The following KRT8 variants were observed in gnomAD, a reference collection of about 807,000 sequenced individuals.
The protein encoded by KRT8 is keratin 8, also known as keratin, type II cytoskeletal 8.
In KRT8, 24 loss-of-function variants were observed where a neutral mutation model predicts 43.0. That is an observed-to-expected ratio of 0.56 (90% CI 0.40 to 0.78). KRT8 has a LOEUF of 0.78. Ranked by LOEUF, KRT8 falls within the 30% of genes least tolerant of loss-of-function variation. The pLI, the probability that KRT8 is intolerant of heterozygous loss-of-function variation, is 0.00. For synonymous variants in KRT8, 214 were observed against 261.2 expected (o/e 0.82, Z 1.74); for missense variants, 492 against 638.4 (o/e 0.77, Z 2.47).
intron 2 of KRT8, among the ~76,000 whole-genome samples, chr12:52,934,982 A>ATAG (rs1326500409): frequency 6.6e-6 from 1 of 151,812 alleles, no homozygotes; most frequent in Non-Finnish European, 1.5e-5. Context: ...AAAAAAAAGG[A>ATAG]TAGATACATC....
At chr12:52,897,272 G>A in exon 8 of KRT8, 1 of 747,640 alleles carries the variant, frequency 1.3e-6, no homozygotes, top group South Asian at 1.4e-5. Flanking sequence ...CATGGGCAAG[G>A]GGGGTCCCCA....
At chr12:52,904,502 A>G (rs1157426668) in intron 1 of KRT8, among the ~76,000 whole-genome samples, 156 bp downstream of exon 1, 1 of 152,114 alleles carries the variant, frequency 6.6e-6, no homozygotes, top group Non-Finnish European at 1.5e-5. Context: ...ACCAAGGTGC[A>G]CGGGAGGGGT....
rs1456191707 is a variant in KRT8, at chr12:52,944,961, C to T, written c.-47+4495G>A. On this transcript the variant is annotated intron_variant, in intron 2 of 6. Coordinates refer to the KRT8 transcript ENST00000546826. ...TCCGCAGCTGCCTCTGAAGCTTGTA[C>T]CCTTGCCCCCACCTCTTGTCTCTCT... 2.0e-5 allele frequency among the ~76,000 whole-genome samples: 3 copies of T among 152,186 alleles called. No individual in the cohort carries two copies. In the East Asian group the frequency reaches 5.8e-4, roughly 29 times the overall value.
At chr12:52,915,793 C>T (rs1020288350) in intron 2 of KRT8, among the ~76,000 whole-genome samples, 1 of 152,012 alleles carries the variant, frequency 6.6e-6, no homozygotes, top group African/African-American at 2.4e-5. Context: ...CATATGCTAA[C>T]CAAAATGTAC....
chr12:52,911,852 C>T (rs1565722712), upstream of KRT8, among the ~76,000 whole-genome samples: 1 of 152,072 alleles, frequency 6.6e-6, no homozygotes. Context: ...GGTGAAACCC[C>T]ATCTCTACCA....
Position 52,937,789 on chromosome 12 carries a change from G to A in KRT8, c.-47+11667C>T, listed in dbSNP as rs560961451. ...AGGCAAGTGGATCACCTGAGGTCAG[G>A]AGTTTGAGACCAGCCTGGCCAACAT... On this transcript the variant is annotated intron_variant, in intron 2 of 6. Transcript: ENST00000546826. 1.9e-4 allele frequency among the ~76,000 whole-genome samples: 29 copies of A among 151,412 alleles called. No homozygotes were observed. The South Asian group carries it at 5.9e-3, about 31-fold the overall frequency.
chr12:52,907,506 A>T (rs1490691282), upstream of KRT8, among the ~76,000 whole-genome samples: 1 of 152,134 alleles, frequency 6.6e-6, no homozygotes, highest in Non-Finnish European at 1.5e-5. Context: ...CTTTCCTGAA[A>T]TTCCAGTCCC....
intron 4 of KRT8, 61 bp from the exon 5 acceptor site, chr12:52,900,126 C>T: frequency 1.3e-6 from 2 of 1,557,650 alleles, no homozygotes; most frequent in Admixed American, 3.4e-5. Context: ...CCCCCTTTTC[C>T]ACAACAGCCT....
At chr12:52,899,109 T>C (rs1941296431) in intron 5 of KRT8, 1 of 563,524 alleles carries the variant, frequency 1.8e-6, no homozygotes, top group Non-Finnish European at 3.2e-6. Flanking sequence ...GGTCAGGAGA[T>C]CGAGGCCATC....
intron 2 of KRT8, among the ~76,000 whole-genome samples, chr12:52,938,136 C>CTA (rs1161700326): frequency 0.022 from 973 of 43,954 alleles, 50 homozygotes; most frequent in Non-Finnish European, 0.034. Context: ...CACTAGAAAG[C>CTA]TATATATATA....
At chr12:52,948,323 TCTC>T (rs989581517) in intron 2 of KRT8, 6 of 151,560 alleles carry the variant, frequency 4.0e-5, no homozygotes, top group South Asian at 2.1e-4. Flanking sequence ...GGGCATTGCT[TCTC>T]CTCCTCTTCT....
chr12:52,918,087 AGAAGAAGAAGAG>A (rs1490536720), intron 2 of KRT8, among the ~76,000 whole-genome samples: 2 of 137,822 alleles, frequency 1.5e-5, no homozygotes, highest in African/African-American at 5.7e-5. Context: ...GAGGAGGAGG[AGAAGAAGAAGAG>A]GAAGAAGAAG....
upstream of KRT8, among the ~76,000 whole-genome samples, chr12:52,908,477 A>T (rs1201938899): frequency 6.6e-6 from 1 of 152,240 alleles, no homozygotes; most frequent in Non-Finnish European, 1.5e-5. Flanking sequence ...GTTACAATTA[A>T]AAGGAATGAA....
At chr12:52,943,285 G>A (rs1046603162) in intron 2 of KRT8, among the ~76,000 whole-genome samples, 2 of 151,982 alleles carry the variant, frequency 1.3e-5, no homozygotes, top group African/African-American at 2.4e-5. Context: ...TCCACACCCC[G>A]GCTCCAGGCT....
chr12:52,919,628 A>G (rs1311107527), intron 2 of KRT8, among the ~76,000 whole-genome samples: 1 of 151,324 alleles, frequency 6.6e-6, no homozygotes, highest in Non-Finnish European at 1.5e-5. Context: ...TACATATATT[A>G]TATATTATTT....
chr12:52,900,876 A>G, intron 3 of KRT8, 193 bp from the exon 4 acceptor site: 2 of 644,742 alleles, frequency 3.1e-6, no homozygotes, highest in Non-Finnish European at 5.6e-6. Flanking sequence ...GCTTCCTGCA[A>G]CACACCCTCT....
At chr12:52,904,039 C>A (rs1320575380) in intron 1 of KRT8, among the ~76,000 whole-genome samples, 4 of 151,884 alleles carry the variant, frequency 2.6e-5, no homozygotes, top group Non-Finnish European at 4.4e-5. Context: ...GGCCTCCGGG[C>A]GCCAAAGGCC....
intron 2 of KRT8, among the ~76,000 whole-genome samples, chr12:52,930,217 A>ATTTTTTTTTTTTTTT (rs35917845): frequency 6.8e-6 from 1 of 146,396 alleles, no homozygotes. Flanking sequence ...CAATTCTATC[A>ATTTTTTTTTTTTTTT]TTTTTTTTTT....
At chr12:52,917,365 G>A (rs1941760932) in intron 2 of KRT8, among the ~76,000 whole-genome samples, 2 of 148,502 alleles carry the variant, frequency 1.3e-5, no homozygotes, top group Admixed American at 6.8e-5. Context: ...TCACACCATC[G>A]CACTCCAACC....
Sources: gnomAD v4.1 joint callset for allele counts (sites outside exome capture counted in the v4.1 genomes callset) on GRCh38, gnomAD v4.1.1 for gene constraint, MANE v1.5 for transcripts, NCBI Gene and HGNC (gene_info 2026-07-23, HGNC 2026-07-21) for gene names.